EYA3: variants seen among roughly 807,000 people sequenced by gnomAD.
EYA3 encodes EYA transcriptional coactivator and phosphatase 3.
EYA3 carries 39 observed loss-of-function variants against 80.0 expected under a neutral mutation model. The ratio of observed to expected loss-of-function variants is 0.49; its 90% CI spans 0.38 to 0.64. The LOEUF is 0.64. Among genes scored for constraint, EYA3 ranks in the 30% least tolerant of loss-of-function variants. The pLI, the probability that EYA3 is intolerant of heterozygous loss-of-function variation, is 0.00. For synonymous variants in EYA3, 206 were observed against 232.8 expected (o/e 0.88, Z 1.05); for missense variants, 523 against 676.1 (o/e 0.77, Z 2.51).
intron 4 of EYA3, 24 bp from the exon 5 acceptor site, chr1:28,038,929 G>C (rs375595869): frequency 6.5e-7 from 1 of 1,549,716 alleles, no homozygotes; most frequent in Non-Finnish European, 8.8e-7. Flanking sequence ...AATATCACCA[G>C]GTTAAAAAGT....
rs1638704778 is a variant in EYA3 at position 27,971,023 on chromosome 1, G to A, written c.*3443C>T. On this transcript the variant is annotated 3_prime_UTR_variant, in exon 18 of 18. Transcript: ENST00000373871. ...CTGAGTTTGTGTAAACTGCGAACAAGCTGTGGCATCAGTCTCTTGGGACAA... is the reference window on the plus strand; with the variant it reads ...CTGAGTTTGTGTAAACTGCGAACAAACTGTGGCATCAGTCTCTTGGGACAA... 1.3e-5 allele frequency: 2 copies of A among 152,346 alleles called. No homozygotes were observed. The highest frequency in any genetic ancestry group is 1.3e-4 in the Admixed American group (2 of 15,306). 9.4% of individuals were successfully genotyped at this position (152,346 alleles called of 1,614,324 possible). A position where few individuals can be genotyped will look rare whatever the true frequency, so the allele number is the denominator to read the frequency against.
At chr1:28,026,435 G>C (rs1429330714) in intron 7 of EYA3, among the ~76,000 whole-genome samples, 1 of 152,204 alleles carries the variant, frequency 6.6e-6, no homozygotes, top group East Asian at 1.9e-4. Context: ...GGGCAATATA[G>C]TGAGATCCCA....
chr1:28,084,994 CA>C (rs1219358479), intron 1 of EYA3, among the ~76,000 whole-genome samples: 3 of 152,056 alleles, frequency 2.0e-5, no homozygotes, highest in Non-Finnish European at 4.4e-5. Flanking sequence ...ATCTTTTGGA[CA>C]AACCGCTACC....
intron 1 of EYA3, among the ~76,000 whole-genome samples, chr1:28,073,273 C>T (rs1200636482): frequency 6.9e-6 from 1 of 143,988 alleles, no homozygotes; most frequent in Non-Finnish European, 1.5e-5. Flanking sequence ...GCTGGGACTA[C>T]AGGCACGCAC....
At chr1:28,073,263 G>A (rs986475816) in intron 1 of EYA3, among the ~76,000 whole-genome samples, 1 of 140,932 alleles carries the variant, frequency 7.1e-6, no homozygotes, top group Non-Finnish European at 1.5e-5. Context: ...CTCCCAAGTA[G>A]CTGGGACTAC....
At chr1:28,006,514 C>T (rs1641286346) in intron 10 of EYA3, among the ~76,000 whole-genome samples, 1 of 151,922 alleles carries the variant, frequency 6.6e-6, no homozygotes, top group South Asian at 2.1e-4. Context: ...AGACCATCCT[C>T]GCTAACATGG....
At chr1:28,039,248 C>A (rs1643640590) in intron 4 of EYA3, among the ~76,000 whole-genome samples, 1 of 152,168 alleles carries the variant, frequency 6.6e-6, no homozygotes, top group Non-Finnish European at 1.5e-5. Flanking sequence ...AGCTTTATGT[C>A]TGGAAAACCA....
At chr1:27,993,637 C>T in intron 13 of EYA3, 77 bp from the exon 14 acceptor site, 1 of 1,297,462 alleles carries the variant, frequency 7.7e-7, no homozygotes, top group Non-Finnish European at 1.0e-6. Context: ...TGGTTGGGTT[C>T]TTGGTATCTG....
rs530747085 is a variant in EYA3, at chr1:28,027,716, GAGA to G, written c.499+70_499+72del. On this transcript the variant is annotated intron_variant, in intron 7 of 17. Coordinates refer to ENST00000373871, the MANE Select transcript of EYA3 (RefSeq NM_001990.4). ...CTGTATTATCCAATTTGTTTGTTTGGAGATACAGGTAGATTAAAAACAAGAAAC... is the reference window on the plus strand; with the variant it reads ...CTGTATTATCCAATTTGTTTGTTTGGTACAGGTAGATTAAAAACAAGAAAC... 340 of 1,576,432 alleles carry G rather than the reference GAGA, an allele frequency of 2.2e-4. No individual in the cohort carries two copies. The African/African-American group carries it at 4.2e-3, about 20-fold the overall frequency.
At chr1:28,014,319 G>A (rs1235890248) in intron 8 of EYA3, among the ~76,000 whole-genome samples, 4 of 150,458 alleles carry the variant, frequency 2.7e-5, no homozygotes, top group African/African-American at 7.4e-5. Flanking sequence ...TCAGCTATTC[G>A]GGAAGCTGAG....
chr1:28,067,615 C>T (rs1644878230), intron 1 of EYA3, among the ~76,000 whole-genome samples: 1 of 152,144 alleles, frequency 6.6e-6, no homozygotes, highest in South Asian at 2.1e-4. Context: ...AAATCTTACC[C>T]TGTTTGTGAC....
rs541540600 is a variant in EYA3 at position 28,009,588 on chromosome 1, C to G, written c.909+1359G>C. 1.3e-5 allele frequency among the ~76,000 whole-genome samples: 2 copies of G among 152,076 alleles called. No homozygotes were observed. The highest frequency in any genetic ancestry group is 2.4e-5 in the African/African-American group (1 of 41,478). On this transcript the variant is annotated intron_variant, in intron 10 of 17. Transcript: ENST00000373871. The surrounding 1 kb of genome is among the most constrained non-coding windows in gnomAD (Gnocchi z 4.8). Reference sequence around the variant, plus strand: ...TCACTTGAACCCGGGAGGCAGAGGTCACGGTAAGCCGAGATCGTGCCACTG... The same window carrying G: ...TCACTTGAACCCGGGAGGCAGAGGTGACGGTAAGCCGAGATCGTGCCACTG...
intron 3 of EYA3, among the ~76,000 whole-genome samples, chr1:28,045,292 T>C (rs1160510970): frequency 6.6e-6 from 1 of 152,142 alleles, no homozygotes; most frequent in East Asian, 1.9e-4. Context: ...TTTATTATAA[T>C]TACCTGAATA....
chr1:28,027,816 G>A lies in EYA3; in HGVS notation c.472C>T (p.Pro158Ser), dbSNP rs1341798011. 1.9e-6 allele frequency: 3 copies of A among 1,614,068 alleles called. No individual in the cohort carries two copies. Among genetic ancestry groups the A allele is most frequent in the Non-Finnish European group, 2.5e-6 (3 of 1,179,998 alleles). ...TGAATGGGATAAGAATAATGTGCTG[G>A]GCTTGGCTGGCTTGTGGTTAACCCT... ...TTGLTTSQPSPAHYSYPIQAS... is the reference protein window; with the variant it reads ...TTGLTTSQPSSAHYSYPIQAS... The change falls in exon 7 of 18, where the codon CCA becomes TCA. Residue 158 changes from proline to serine, a missense_variant. Transcript: ENST00000373871.
At chr1:28,005,591 G>A (rs894232383) in intron 10 of EYA3, among the ~76,000 whole-genome samples, 7 of 151,694 alleles carry the variant, frequency 4.6e-5, no homozygotes, top group African/African-American at 1.2e-4. Context: ...GGTGCATGCC[G>A]GTAGTCCCAG....
chr1:28,035,426 T>C (rs1267518561), intron 6 of EYA3, 118 bp downstream of exon 6: 3 of 1,090,688 alleles, frequency 2.8e-6, no homozygotes, highest in African/African-American at 3.2e-5. Context: ...TGTTGCAAAG[T>C]TGCATACCCA....
intron 4 of EYA3, among the ~76,000 whole-genome samples, chr1:28,040,858 G>T (rs879920468): frequency 0.023 from 3,500 of 151,978 alleles, 68 homozygotes; most frequent in Non-Finnish European, 0.035. Flanking sequence ...GAGGGGCAGG[G>T]GGGGGTCGGG....
At chr1:28,011,401 C>T (rs1353078750) in intron 9 of EYA3, among the ~76,000 whole-genome samples, 1 of 152,162 alleles carries the variant, frequency 6.6e-6, no homozygotes. Flanking sequence ...GTTTCTCAAC[C>T]TGGCACAACT....
In EYA3 at chr1:28,011,152, G is replaced by A. The variant is rs1641670580; in HGVS notation, c.770-66C>T. Reference sequence around the variant, plus strand: ...GGCTATAAGAATCAGGGCAGGAAGAGGGTTAGTGGACTCTCTGCCCTTGTG... The same window carrying A: ...GGCTATAAGAATCAGGGCAGGAAGAAGGTTAGTGGACTCTCTGCCCTTGTG... On this transcript the variant is annotated intron_variant, in intron 9 of 17. Coordinates refer to ENST00000373871, the MANE Select transcript of EYA3 (RefSeq NM_001990.4). 3 of 1,536,390 alleles carry A rather than the reference G, an allele frequency of 2.0e-6. No homozygotes were observed. In the Admixed American group the frequency reaches 5.7e-5, roughly 29 times the overall value.
Sources: gnomAD v4.1 joint callset for allele counts (sites outside exome capture counted in the v4.1 genomes callset) on GRCh38, gnomAD v4.1.1 for gene constraint, Gnocchi (gnomAD v3.1) non-coding constraint, MANE v1.5 for transcripts, NCBI Gene and HGNC (gene_info 2026-07-23, HGNC 2026-07-21) for gene names.